ARHGAP18: variants seen among roughly 807,000 people sequenced by gnomAD.
The protein encoded by ARHGAP18 is rho GTPase-activating protein 18.
Under a neutral mutation model 86.2 loss-of-function variants are expected in ARHGAP18, and 67 were observed. That is an observed-to-expected ratio of 0.78 (90% CI 0.64 to 0.95). The LOEUF is 0.95. Among genes scored for constraint, ARHGAP18 ranks in the 40% least tolerant of loss-of-function variants. ARHGAP18 has a pLI of 0.00. For missense variants in ARHGAP18, 691 were observed against 780.4 expected (o/e 0.89, Z 1.37); for synonymous variants, 283 against 280.4 (o/e 1.01, Z -0.09).
chr6:129,649,539 C>T (rs975623389), intron 1 of ARHGAP18, among the ~76,000 whole-genome samples: 2 of 110,886 alleles, frequency 1.8e-5, no homozygotes, highest in South Asian at 2.9e-4. Flanking sequence ...GGCAACAGAG[C>T]AAGTCTCTGT....
Position 129,629,476 on chromosome 6 carries a change from C to T in ARHGAP18, c.663G>A (p.Glu221=). 6.2e-7 allele frequency: 1 copy of T among 1,613,768 alleles called. No individual in the cohort carries two copies. Among genetic ancestry groups the T allele is most frequent in the Admixed American group, 1.7e-5 (1 of 59,968 alleles). ...LVGEEKLIPP[E]ETPAPETDIN... Reference sequence around the variant, plus strand: ...TGTCTGTTTCAGGGGCAGGCGTCTCCTCAGGTGGGATCAGCTTCTCTTCAC... The same window carrying T: ...TGTCTGTTTCAGGGGCAGGCGTCTCTTCAGGTGGGATCAGCTTCTCTTCAC... Residue 221 remains glutamate, a synonymous_variant, in exon 5 of 15, where the codon GAG becomes GAA. Coordinates refer to ENST00000368149, the MANE Select transcript of ARHGAP18 (RefSeq NM_033515.3).
intron 1 of ARHGAP18, among the ~76,000 whole-genome samples, chr6:129,705,166 T>C (rs892563099): frequency 1.3e-5 from 2 of 152,172 alleles, no homozygotes. Flanking sequence ...ATTTAAACAA[T>C]TGCCTGACAC....
intron 5 of ARHGAP18, among the ~76,000 whole-genome samples, chr6:129,625,105 TATATATTATATAG>T (rs1789333871): frequency 1.2e-5 from 1 of 82,636 alleles, no homozygotes; most frequent in African/African-American, 4.8e-5. Context: ...TGATATATAT[TATATATTATATAG>T]ATATATATTA....
intron 1 of ARHGAP18, among the ~76,000 whole-genome samples, chr6:129,644,962 C>T (rs1037406600): frequency 6.6e-6 from 1 of 152,088 alleles, no homozygotes; most frequent in East Asian, 1.9e-4. Flanking sequence ...TTGTGATAAC[C>T]TAAAAATACT....
At chr6:129,681,292 C>T (rs781671750) in intron 1 of ARHGAP18, among the ~76,000 whole-genome samples, 3 of 152,206 alleles carry the variant, frequency 2.0e-5, no homozygotes, top group East Asian at 3.9e-4. Context: ...TGGCCAGGCT[C>T]GTCTTGAACT....
At chr6:129,621,012 C>A (rs1317606523) in intron 5 of ARHGAP18, among the ~76,000 whole-genome samples, 1 of 152,048 alleles carries the variant, frequency 6.6e-6, no homozygotes, top group East Asian at 1.9e-4. Context: ...CCATGATACA[C>A]TTAATTTTCT....
chr6:129,613,232 CAAAAA>C (rs71028167), intron 7 of ARHGAP18, among the ~76,000 whole-genome samples: 1 of 94,188 alleles, frequency 1.1e-5, no homozygotes. Flanking sequence ...GACTCTGTCT[CAAAAA>C]AAAAAAAAAA....
At chr6:129,666,343 C>G (rs973050925) in intron 1 of ARHGAP18, among the ~76,000 whole-genome samples, 1 of 152,228 alleles carries the variant, frequency 6.6e-6, no homozygotes, top group African/African-American at 2.4e-5. Context: ...AGTGTCTAGC[C>G]ACACCACTAA....
At chr6:129,625,302 A>T (rs1162706109) in intron 5 of ARHGAP18, among the ~76,000 whole-genome samples, 2 of 81,294 alleles carry the variant, frequency 2.5e-5, no homozygotes, top group African/African-American at 1.0e-4. Flanking sequence ...GATATATGAT[A>T]TATATTTATA....
chr6:129,672,817 A>G (rs1017240452), intron 1 of ARHGAP18, among the ~76,000 whole-genome samples: 2 of 152,234 alleles, frequency 1.3e-5, no homozygotes, highest in African/African-American at 4.8e-5. Context: ...GGTTCTTGTT[A>G]ATATCCTCAG....
At chr6:129,655,337 A>AAAAG (rs1773809606) in intron 1 of ARHGAP18, among the ~76,000 whole-genome samples, 5 of 98,694 alleles carry the variant, frequency 5.1e-5, no homozygotes, top group South Asian at 3.0e-4. Context: ...AAAAAAAAAA[A>AAAAG]AAAAGAAAAG....
rs74501435 is a variant in ARHGAP18, at chr6:129,633,829, C to T, written c.616+213G>A. Among the ~76,000 whole-genome samples, 333 of 152,182 alleles carry T rather than the reference C, an allele frequency of 2.2e-3. 2 individuals carry two copies. The highest frequency in any genetic ancestry group is 7.5e-3 in the African/African-American group (313 of 41,526). On this transcript the variant is annotated intron_variant, in intron 4 of 14. Coordinates refer to ENST00000368149, the MANE Select transcript of ARHGAP18 (RefSeq NM_033515.3). Reference sequence around the variant, plus strand: ...ATAAGCACTCAGGAAGATACGTATACGCATTTTGAATCAGAAAATAGGAAT... The same window carrying T: ...ATAAGCACTCAGGAAGATACGTATATGCATTTTGAATCAGAAAATAGGAAT...
At chr6:129,693,934 G>T (rs879895514) in intron 1 of ARHGAP18, among the ~76,000 whole-genome samples, 1 of 152,102 alleles carries the variant, frequency 6.6e-6, no homozygotes, top group Admixed American at 6.5e-5. Flanking sequence ...GCCAGTCGAC[G>T]TCAAGGCGGC....
At chr6:129,592,866 T>G (rs1292024633) in intron 12 of ARHGAP18, among the ~76,000 whole-genome samples, 1 of 152,138 alleles carries the variant, frequency 6.6e-6, no homozygotes, top group Non-Finnish European at 1.5e-5. Flanking sequence ...CCTTTAAAAT[T>G]CTAAAAGGAA....
chr6:129,690,124 C>CGTGT (rs142057840), intron 1 of ARHGAP18, among the ~76,000 whole-genome samples: 18,044 of 150,102 alleles, frequency 0.12, 1,306 homozygotes, highest in African/African-American at 0.2. Flanking sequence ...CCCATGTAAA[C>CGTGT]GTGTGTGTGT....
chr6:129,706,076 A>C (rs546827526), intron 1 of ARHGAP18, among the ~76,000 whole-genome samples: 1 of 152,372 alleles, frequency 6.6e-6, no homozygotes, highest in East Asian at 1.9e-4. Flanking sequence ...CAGTTAGCTA[A>C]GGAATTAAAA....
chr6:129,613,254 A>C (rs1789021642), intron 7 of ARHGAP18, among the ~76,000 whole-genome samples: 1 of 151,466 alleles, frequency 6.6e-6, no homozygotes, highest in African/African-American at 2.4e-5. Context: ...AAAAAAGAAA[A>C]GAAAAAAAAT....
intron 1 of ARHGAP18, among the ~76,000 whole-genome samples, chr6:129,688,758 C>T (rs567540482): frequency 6.6e-6 from 1 of 151,428 alleles, no homozygotes; most frequent in Non-Finnish European, 1.5e-5. Flanking sequence ...CACCATTGCC[C>T]TCCAGCCTGG....
chr6:129,682,351 C>T (rs1010160884), intron 1 of ARHGAP18, among the ~76,000 whole-genome samples: 3 of 152,176 alleles, frequency 2.0e-5, no homozygotes, highest in African/African-American at 7.2e-5. Context: ...CTTCTGAAGC[C>T]CCCTTGCCTC....
Sources: gnomAD v4.1 joint callset for allele counts (sites outside exome capture counted in the v4.1 genomes callset) on GRCh38, gnomAD v4.1.1 for gene constraint, MANE v1.5 for transcripts, NCBI Gene and HGNC (gene_info 2026-07-23, HGNC 2026-07-21) for gene names.